FAT3: variants seen among roughly 807,000 people sequenced by gnomAD.
The protein encoded by FAT3 is protocadherin Fat 3.
FAT3 carries 95 observed loss-of-function variants against 310.2 expected under a neutral mutation model. The observed-to-expected ratio is 0.31, with a 90% CI of 0.26 to 0.36. The LOEUF is 0.36. FAT3 is among the 10% of genes least tolerant of loss of function. FAT3 has a pLI of 1.00. For missense variants in FAT3, 5,408 were observed against 5,715.6 expected, an observed-to-expected ratio of 0.95 and a Z score of 1.74; for synonymous variants, 2,314 against 2,192.9, an observed-to-expected ratio of 1.06 and a Z score of -1.54.
intron 22 of FAT3, among the ~76,000 whole-genome samples, chr11:92,872,512 T>C (rs187343151): frequency 6.6e-6 from 1 of 152,244 alleles, no homozygotes; most frequent in African/African-American, 2.4e-5. Flanking sequence ...GACTGTCTTC[T>C]AAATGCTGAC....
chr11:92,412,318 G>T (rs1219182626), intron 2 of FAT3, among the ~76,000 whole-genome samples: 1 of 150,508 alleles, frequency 6.6e-6, no homozygotes, highest in Non-Finnish European at 1.5e-5. Context: ...GGCCAGGATG[G>T]TCTCAATCTC....
intron 1 of FAT3, among the ~76,000 whole-genome samples, chr11:92,266,346 A>G (rs921032996): frequency 3.3e-5 from 5 of 152,132 alleles, no homozygotes; most frequent in African/African-American, 1.2e-4. Context: ...GGAGCTGAGG[A>G]AGTGTCTTCA....
chr11:92,707,151 A>T (rs1374893074), intron 4 of FAT3, among the ~76,000 whole-genome samples: 1 of 152,220 alleles, frequency 6.6e-6, no homozygotes, highest in East Asian at 1.9e-4. Context: ...GGTTGTGTTT[A>T]TTTTGTTTCT....
intron 2 of FAT3, among the ~76,000 whole-genome samples, chr11:92,505,440 C>G (rs1364492897): frequency 6.6e-6 from 1 of 152,098 alleles, no homozygotes; most frequent in Non-Finnish European, 1.5e-5. Context: ...TTTGGAGGAG[C>G]TGAAGCTGAA....
At chr11:92,508,858 C>T (rs903734155) in intron 2 of FAT3, among the ~76,000 whole-genome samples, 9 of 152,170 alleles carry the variant, frequency 5.9e-5, no homozygotes, top group Non-Finnish European at 1.0e-4. Flanking sequence ...TCTGACAGCA[C>T]ATCCACCTGA....
intron 3 of FAT3, among the ~76,000 whole-genome samples, chr11:92,593,325 G>C (rs1477632558): frequency 6.6e-6 from 1 of 151,980 alleles, no homozygotes; most frequent in African/African-American, 2.4e-5. Context: ...TACCCAGAGT[G>C]GAGTTTCTGG....
chr11:92,544,497 A>G (rs957014381), intron 3 of FAT3, among the ~76,000 whole-genome samples: 1 of 129,962 alleles, frequency 7.7e-6, no homozygotes, highest in Non-Finnish European at 1.8e-5. Context: ...ATAAGTATCA[A>G]TAAATATAAA....
chr11:92,626,542 G>C (rs140822127), intron 3 of FAT3, among the ~76,000 whole-genome samples: 1 of 151,762 alleles, frequency 6.6e-6, no homozygotes, highest in African/African-American at 2.4e-5. Context: ...AAAGAGCCCA[G>C]TGGCATCTCT....
intron 8 of FAT3, among the ~76,000 whole-genome samples, chr11:92,791,357 G>C (rs1394456964): frequency 1.3e-5 from 2 of 152,206 alleles, no homozygotes; most frequent in African/African-American, 2.4e-5. Context: ...ATAGAGTTCA[G>C]CTTGGTCCTT....
At chr11:92,413,319 T>C (rs191458810) in intron 2 of FAT3, among the ~76,000 whole-genome samples, 1 of 152,332 alleles carries the variant, frequency 6.6e-6, no homozygotes, top group East Asian at 1.9e-4. Context: ...TCCTGAAATT[T>C]ACTGTGCTGA....
chr11:92,722,362 T>C (rs1440864805), intron 4 of FAT3, among the ~76,000 whole-genome samples: 1 of 152,194 alleles, frequency 6.6e-6, no homozygotes, highest in Non-Finnish European at 1.5e-5. Context: ...CATATCCAGG[T>C]CATGCTGATA....
chr11:92,537,795 A>G (rs1417122797), intron 3 of FAT3, among the ~76,000 whole-genome samples: 1 of 152,172 alleles, frequency 6.6e-6, no homozygotes, highest in Non-Finnish European at 1.5e-5. Context: ...TTTATTTAAG[A>G]AAAATATCTT....
chr11:92,709,535 G>A (rs1944457619), intron 4 of FAT3, among the ~76,000 whole-genome samples: 1 of 152,192 alleles, frequency 6.6e-6, no homozygotes, highest in African/African-American at 2.4e-5. Context: ...CCCGTAGGAG[G>A]AAGGGTCAGA....
At chr11:92,248,718 A>G (rs1203858463) in intron 1 of FAT3, among the ~76,000 whole-genome samples, 4 of 152,036 alleles carry the variant, frequency 2.6e-5, no homozygotes, top group African/African-American at 7.2e-5. Context: ...GAATTCAAAC[A>G]TAAGATTTCA....
chr11:92,663,828 A>T lies in FAT3; in HGVS notation c.3608-33556A>T, dbSNP rs78351553. The stretch of plus-strand genomic sequence containing the variant: ...TTTTTATCTTCCCAGTCCAGCTTTC[A>T]TGTGACTGCCAGTTATTGTTTGAAA... On this transcript the variant is annotated intron_variant, in intron 3 of 27. Coordinates refer to ENST00000525166, the MANE Select transcript of FAT3 (RefSeq NM_001367949.2). Among the ~76,000 whole-genome samples the T allele has an allele frequency of 1.8e-4, 28 of 152,262 alleles. 1 individual carries two copies. In the East Asian group the frequency reaches 5.4e-3, roughly 29 times the overall value.
intron 2 of FAT3, among the ~76,000 whole-genome samples, chr11:92,496,451 T>C (rs1383245412): frequency 2.0e-5 from 3 of 151,998 alleles, no homozygotes; most frequent in African/African-American, 7.2e-5. Context: ...TGCCTGGTGA[T>C]CTTATTCATC....
At chr11:92,786,643 A>G (rs1946900956) in intron 7 of FAT3, among the ~76,000 whole-genome samples, 1 of 152,282 alleles carries the variant, frequency 6.6e-6, no homozygotes, top group African/African-American at 2.4e-5. Context: ...ATTCTTATAT[A>G]TTATTATGGG....
At chr11:92,300,724 T>C (rs1946977254) in intron 1 of FAT3, among the ~76,000 whole-genome samples, 1 of 152,014 alleles carries the variant, frequency 6.6e-6, no homozygotes, top group African/African-American at 2.4e-5. Flanking sequence ...AGTAGAGATA[T>C]TGTCTGTCTC....
rs568604822 is a variant in FAT3 at position 92,362,614 on chromosome 11, C to T, written c.3292+7210C>T. On this transcript the variant is annotated intron_variant, in intron 2 of 27. Coordinates refer to ENST00000525166, the MANE Select transcript of FAT3 (RefSeq NM_001367949.2). Reference sequence around the variant, plus strand: ...CCTTGCTGTTACTAGCCCTAGATTACGACACTATTTTTGTTTTGTTTTGTT... The same window carrying T: ...CCTTGCTGTTACTAGCCCTAGATTATGACACTATTTTTGTTTTGTTTTGTT... Among the ~76,000 whole-genome samples the T allele has an allele frequency of 2.1e-4, 32 of 152,258 alleles. 1 individual carries two copies. The highest frequency in any genetic ancestry group is 5.9e-4 in the Admixed American group (9 of 15,292).
Sources: gnomAD v4.1 joint callset for allele counts (sites outside exome capture counted in the v4.1 genomes callset) on GRCh38, gnomAD v4.1.1 for gene constraint, MANE v1.5 for transcripts, NCBI Gene and HGNC (gene_info 2026-07-23, HGNC 2026-07-21) for gene names.